SLC2A9: variants seen among roughly 807,000 people sequenced by gnomAD.
SLC2A9 encodes the protein solute carrier family 2, facilitated glucose transporter member 9.
SLC2A9 carries 39 observed loss-of-function variants against 50.6 expected under a neutral mutation model. The observed-to-expected ratio is 0.77, with a 90% CI of 0.60 to 1.01. SLC2A9 has a LOEUF of 1.01. SLC2A9 is among the 50% of genes least tolerant of loss of function. The probability of loss-of-function intolerance (pLI) is 0.00; values close to 1 mark genes in which losing one functional copy is unlikely to be tolerated. For synonymous variants in SLC2A9, 324 were observed against 276.9 expected, an observed-to-expected ratio of 1.17 and a Z score of -1.69; for missense variants, 686 against 677.6, an observed-to-expected ratio of 1.01 and a Z score of -0.14.
intron 3 of SLC2A9, among the ~76,000 whole-genome samples, chr4:9,821,056 C>A (rs1489582831): frequency 6.6e-6 from 1 of 152,154 alleles, no homozygotes; most frequent in Non-Finnish European, 1.5e-5. Flanking sequence ...ATGATGCTAG[C>A]TGTATCTTTT....
At chr4:10,000,249 C>G (rs1217501033) in intron 2 of SLC2A9, among the ~76,000 whole-genome samples, 1 of 152,196 alleles carries the variant, frequency 6.6e-6, no homozygotes, top group Non-Finnish European at 1.5e-5. Context: ...CATCCACTGA[C>G]TCATTCAACA....
intron 3 of SLC2A9, among the ~76,000 whole-genome samples, chr4:9,806,981 A>T (rs1184718433): frequency 1.3e-5 from 2 of 152,098 alleles, no homozygotes; most frequent in Admixed American, 1.3e-4. Context: ...TTCTCAGCCC[A>T]CTTTTCCAGC....
chr4:9,777,347 T>C (rs750744744), downstream of SLC2A9, among the ~76,000 whole-genome samples: 14 of 150,356 alleles, frequency 9.3e-5, no homozygotes, highest in Non-Finnish European at 1.6e-4. Flanking sequence ...GAGGCTGGAG[T>C]GCAGTGGTGT....
At chr4:9,904,435 C>T (rs1247709663) in intron 8 of SLC2A9, among the ~76,000 whole-genome samples, 1 of 152,154 alleles carries the variant, frequency 6.6e-6, no homozygotes, top group Non-Finnish European at 1.5e-5. Flanking sequence ...TGACTCTGAC[C>T]CTCCTGCCTC....
intron 3 of SLC2A9, among the ~76,000 whole-genome samples, chr4:9,807,250 C>G (rs577724821): frequency 6.6e-6 from 1 of 152,302 alleles, no homozygotes; most frequent in East Asian, 1.9e-4. Flanking sequence ...AACACCATGT[C>G]CCTGGCACAC....
intron 1 of SLC2A9, among the ~76,000 whole-genome samples, chr4:10,028,653 G>T (rs1763830654): frequency 6.6e-6 from 1 of 152,158 alleles, no homozygotes; most frequent in African/African-American, 2.4e-5. Flanking sequence ...TTCTAGGAAG[G>T]GGGGCGGTTA....
intron 3 of SLC2A9, among the ~76,000 whole-genome samples, chr4:9,800,547 C>A (rs1012965828): frequency 6.6e-6 from 1 of 152,296 alleles, no homozygotes; most frequent in South Asian, 2.1e-4. Context: ...GACATCTATC[C>A]TCCAGAATTG....
intron 4 of SLC2A9, among the ~76,000 whole-genome samples, chr4:9,981,284 AGTAATGGTT>A (rs1237975626): frequency 1.3e-4 from 19 of 150,750 alleles, no homozygotes; most frequent in South Asian, 4.2e-4. Flanking sequence ...TGGTGGTAGT[AGTAATGGTT>A]ATGATAGTGA....
intron 6 of SLC2A9, among the ~76,000 whole-genome samples, chr4:9,926,854 G>C (rs1744991473): frequency 6.6e-6 from 1 of 152,054 alleles, no homozygotes; most frequent in South Asian, 2.1e-4. Context: ...GATACACACA[G>C]GGAAGGCAAG....
intron 10 of SLC2A9, among the ~76,000 whole-genome samples, chr4:9,844,777 G>A (rs1383650259): frequency 1.3e-5 from 2 of 152,178 alleles, no homozygotes; most frequent in East Asian, 1.9e-4. Context: ...TACTAGCTAT[G>A]TGACCACATG....
chr4:9,783,018 C>G, intron 3 of SLC2A9: 1 of 1,614,212 alleles, frequency 6.2e-7, no homozygotes, highest in Non-Finnish European at 8.5e-7. Flanking sequence ...GAAGGCCCTC[C>G]GGCCGGCTTC....
At chr4:9,924,749 C>T (rs1244816721) in intron 6 of SLC2A9, among the ~76,000 whole-genome samples, 1 of 152,122 alleles carries the variant, frequency 6.6e-6, no homozygotes, top group Non-Finnish European at 1.5e-5. Context: ...TTTGGGGGCA[C>T]CTGACAACAA....
chr4:9,956,195 TATC>T (rs1202939626), intron 5 of SLC2A9, among the ~76,000 whole-genome samples: 1 of 151,738 alleles, frequency 6.6e-6, no homozygotes, highest in East Asian at 2.0e-4. Context: ...TTTTAAAAAG[TATC>T]ATCGGCCGGG....
At chr4:9,892,396 T>A (rs1346764663) in intron 8 of SLC2A9, among the ~76,000 whole-genome samples, 1 of 152,180 alleles carries the variant, frequency 6.6e-6, no homozygotes, top group Non-Finnish European at 1.5e-5. Flanking sequence ...AATGCCTTTC[T>A]CCTGGGTGCT....
chr4:9,806,414 A>G (rs374042050), intron 3 of SLC2A9, among the ~76,000 whole-genome samples: 1 of 152,224 alleles, frequency 6.6e-6, no homozygotes, highest in Admixed American at 6.5e-5. Context: ...CTTTTTATTA[A>G]TCTACAACCT....
In SLC2A9 at chr4:9,998,254, G is replaced by A. The variant is rs117319367; in HGVS notation, c.250-1313C>T. On this transcript the variant is annotated intron_variant, in intron 2 of 11. Transcript: ENST00000264784. Reference sequence around the variant, plus strand: ...CCCTGTTGCTACCCAACGTGAGCCCGCAAACCTCAGCTGAGCCAGTATATG... The same window carrying A: ...CCCTGTTGCTACCCAACGTGAGCCCACAAACCTCAGCTGAGCCAGTATATG... Among the ~76,000 whole-genome samples the A allele has an allele frequency of 7.8e-4, 119 of 152,264 alleles. No individual in the cohort carries two copies. The East Asian group carries it at 0.017, about 22-fold the overall frequency.
At position 10,007,547 on chromosome 4, in the gene SLC2A9, G is replaced by A. The variant is rs117433262; in HGVS notation, c.250-10606C>T. On this transcript the variant is annotated intron_variant, in intron 2 of 11. Coordinates refer to ENST00000264784, the MANE Select transcript of SLC2A9 (RefSeq NM_020041.3). ...ATTAGTTGAAACATAAAGAAGGTAA[G>A]TTTCATTGTCTATTTGGCCCCAGGC... Among the ~76,000 whole-genome samples, 117 of 152,314 alleles carry A rather than the reference G, an allele frequency of 7.7e-4. No homozygotes were observed. In the East Asian group the frequency reaches 0.02, roughly 26 times the overall value.
intron 10 of SLC2A9, among the ~76,000 whole-genome samples, chr4:9,876,001 A>C (rs1734261422): frequency 6.6e-6 from 1 of 152,340 alleles, no homozygotes; most frequent in Non-Finnish European, 1.5e-5. Flanking sequence ...ATCTCAAAAT[A>C]GTTTTTGATA....
intron 5 of SLC2A9, among the ~76,000 whole-genome samples, chr4:9,961,728 C>T (rs1030915318): frequency 3.9e-5 from 6 of 152,174 alleles, no homozygotes; most frequent in East Asian, 1.9e-4. Flanking sequence ...AGAGCTTCTG[C>T]GCAGAAACAA....
Sources: gnomAD v4.1 joint callset for allele counts (sites outside exome capture counted in the v4.1 genomes callset) on GRCh38, gnomAD v4.1.1 for gene constraint, MANE v1.5 for transcripts, NCBI Gene and HGNC (gene_info 2026-07-23, HGNC 2026-07-21) for gene names.